The following FGGY variants were observed in gnomAD, a reference collection of about 807,000 sequenced individuals.
The protein encoded by FGGY is FGGY carbohydrate kinase domain-containing protein.
In FGGY, 72 loss-of-function variants were observed where a neutral mutation model predicts 71.3. The observed-to-expected ratio is 1.01, with a 90% confidence interval of 0.84 to 1.23. The LOEUF (loss-of-function observed/expected upper bound fraction) is 1.23. FGGY is among the 50% of genes most tolerant of loss of function. FGGY has a pLI of 0.00. For missense variants in FGGY, 668 were observed against 682.3 expected (o/e 0.98, Z 0.23); for synonymous variants, 251 against 250.3 (o/e 1.00, Z -0.02).
intron 14 of FGGY, among the ~76,000 whole-genome samples, chr1:59,717,818 T>C (rs1273296395): frequency 6.6e-6 from 1 of 152,250 alleles, no homozygotes; most frequent in African/African-American, 2.4e-5. Context: ...TTCCCATCAA[T>C]AGCACTTAAG....
chr1:59,749,710 C>A (rs1189718875), intron 14 of FGGY, among the ~76,000 whole-genome samples: 1 of 152,168 alleles, frequency 6.6e-6, no homozygotes, highest in Non-Finnish European at 1.5e-5. Context: ...GTTTATGTAG[C>A]ATTTACTATA....
At chr1:59,734,410 G>T (rs771791476) in intron 14 of FGGY, among the ~76,000 whole-genome samples, 1 of 152,036 alleles carries the variant, frequency 6.6e-6, no homozygotes, top group African/African-American at 2.4e-5. Flanking sequence ...TTGCCACATT[G>T]GCCAGACTGA....
chr1:59,722,624 T>C lies in FGGY; in HGVS notation c.1513-35307T>C, dbSNP rs535621584. On this transcript the variant is annotated intron_variant, in intron 14 of 15. Coordinates refer to ENST00000303721, the MANE Select transcript of FGGY (RefSeq NM_018291.5). ...GTTGTAGCCATTGGCAACTCCTCAG[T>C]TGGCTCCTATGACCCTTTGACATAA... Among the ~76,000 whole-genome samples, 9 of 152,358 alleles carry C rather than the reference T, an allele frequency of 5.9e-5. No individual in the cohort carries two copies. The East Asian group carries it at 1.5e-3, about 26-fold the overall frequency.
At chr1:59,706,047 G>A (rs2097755686) in intron 14 of FGGY, among the ~76,000 whole-genome samples, 1 of 152,194 alleles carries the variant, frequency 6.6e-6, no homozygotes, top group South Asian at 2.1e-4. Flanking sequence ...GACCCCTTTA[G>A]GAGGAGGGAA....
At chr1:59,580,484 G>A (rs1171015467) in intron 8 of FGGY, among the ~76,000 whole-genome samples, 1 of 152,040 alleles carries the variant, frequency 6.6e-6, no homozygotes, top group African/African-American at 2.4e-5. Context: ...GACACCGCGT[G>A]AGTCAGATTT....
At chr1:59,442,770 G>A (rs2070262133) in intron 5 of FGGY, among the ~76,000 whole-genome samples, 1 of 152,162 alleles carries the variant, frequency 6.6e-6, no homozygotes, top group African/African-American at 2.4e-5. Context: ...GACAGTCATA[G>A]CCACCTGGAG....
At chr1:59,420,934 G>A (rs2065298568) in intron 5 of FGGY, among the ~76,000 whole-genome samples, 1 of 151,548 alleles carries the variant, frequency 6.6e-6, no homozygotes, top group South Asian at 2.1e-4. Context: ...TGCTGTTTTA[G>A]GACATGTTTC....
At chr1:59,560,884 C>T (rs543816570) in intron 8 of FGGY, among the ~76,000 whole-genome samples, 51 of 152,258 alleles carry the variant, frequency 3.3e-4, no homozygotes, top group Admixed American at 9.2e-4. Context: ...ATGGCTTCCC[C>T]GCCCCCACTG....
chr1:59,593,792 T>C (rs929152408), intron 8 of FGGY, among the ~76,000 whole-genome samples: 2 of 152,230 alleles, frequency 1.3e-5, no homozygotes, highest in Admixed American at 6.5e-5. Context: ...TTCATCTCTC[T>C]TTTTCACAGG....
chr1:59,328,796 CG>C (rs2047900902), intron 2 of FGGY, among the ~76,000 whole-genome samples: 1 of 151,644 alleles, frequency 6.6e-6, no homozygotes, highest in Non-Finnish European at 1.5e-5. Flanking sequence ...AGTTGTGTCT[CG>C]GGGGTAGGGA....
chr1:59,512,517 TG>T (rs1378757517), intron 7 of FGGY, 78 bp downstream of exon 7: 1 of 1,451,118 alleles, frequency 6.9e-7, no homozygotes, highest in East Asian at 2.5e-5. Flanking sequence ...ACTCCTTTTC[TG>T]TTTTTAAAGC....
chr1:59,748,245 G>A (rs1184553096), intron 14 of FGGY, among the ~76,000 whole-genome samples: 2 of 152,112 alleles, frequency 1.3e-5, no homozygotes, highest in Non-Finnish European at 2.9e-5. Context: ...GGACCACAGA[G>A]AAGCAGGCAG....
intron 1 of FGGY, among the ~76,000 whole-genome samples, chr1:59,302,098 T>C (rs928387573): frequency 4.6e-5 from 7 of 152,110 alleles, no homozygotes; most frequent in South Asian, 2.1e-4. Context: ...GGTTTTTTTT[T>C]CCAATGTTAA....
intron 8 of FGGY, among the ~76,000 whole-genome samples, chr1:59,599,581 C>A (rs1457100847): frequency 6.7e-6 from 1 of 149,440 alleles, no homozygotes; most frequent in Non-Finnish European, 1.5e-5. Flanking sequence ...GTAATCCCAG[C>A]TACTTGGGAG....
intron 7 of FGGY, among the ~76,000 whole-genome samples, chr1:59,547,722 T>A (rs964988961): frequency 6.6e-6 from 1 of 152,198 alleles, no homozygotes; most frequent in African/African-American, 2.4e-5. Context: ...ACAAGGTATG[T>A]TGTGAGGCTC....
At chr1:59,350,856 CCT>C (rs988468581) in intron 4 of FGGY, among the ~76,000 whole-genome samples, 3 of 152,178 alleles carry the variant, frequency 2.0e-5, no homozygotes, top group Non-Finnish European at 4.4e-5. Flanking sequence ...TTTACCTCTT[CCT>C]CTCTCGTCAC....
At chr1:59,510,147 T>C (rs985966415) in intron 6 of FGGY, among the ~76,000 whole-genome samples, 9 of 151,952 alleles carry the variant, frequency 5.9e-5, no homozygotes, top group African/African-American at 1.9e-4. Context: ...CAAAAGGTAA[T>C]GTAATGAATA....
chr1:59,761,012 TATTA>T (rs999302469), intron 15 of FGGY, among the ~76,000 whole-genome samples: 77 of 152,364 alleles, frequency 5.1e-4, no homozygotes, highest in African/African-American at 1.6e-3. Flanking sequence ...GATATTAAAA[TATTA>T]ATTATCTAAA....
At chr1:59,434,471 C>T (rs1229234439) in intron 5 of FGGY, among the ~76,000 whole-genome samples, 1 of 152,272 alleles carries the variant, frequency 6.6e-6, no homozygotes, top group East Asian at 1.9e-4. Flanking sequence ...GGCAGATATG[C>T]GACAAGACAG....
Sources: gnomAD v4.1 joint callset for allele counts (sites outside exome capture counted in the v4.1 genomes callset) on GRCh38, gnomAD v4.1.1 for gene constraint, MANE v1.5 for transcripts, NCBI Gene and HGNC (gene_info 2026-07-23, HGNC 2026-07-21) for gene names.